The following NCAM2 variants were observed in gnomAD, a reference collection of about 807,000 sequenced individuals.
NCAM2 encodes the protein neural cell adhesion molecule 2.
Under a neutral mutation model 98.1 loss-of-function variants are expected in NCAM2, and 30 were observed. That is an observed-to-expected ratio of 0.31 (90% CI 0.23 to 0.41). The LOEUF is 0.41. NCAM2 is among the 10% of genes least tolerant of loss of function. NCAM2 has a pLI of 1.00. For missense variants in NCAM2, 867 were observed against 1,005.8 expected (o/e 0.86, Z 1.87); for synonymous variants, 368 against 342.4 (o/e 1.07, Z -0.83).
chr21:21,189,059 G>T (rs1645074087), intron 1 of NCAM2, among the ~76,000 whole-genome samples: 1 of 152,130 alleles, frequency 6.6e-6, no homozygotes, highest in Non-Finnish European at 1.5e-5. Flanking sequence ...ATTATACAGT[G>T]TTAGAACCAA....
intron 1 of NCAM2, among the ~76,000 whole-genome samples, chr21:21,214,422 GTAA>G (rs1472617507): frequency 6.6e-6 from 1 of 151,952 alleles, no homozygotes; most frequent in African/African-American, 2.4e-5. Context: ...GGTCACATAT[GTAA>G]TATGGGTGCC....
chr21:21,506,995 A>G (rs988320382), intron 15 of NCAM2, among the ~76,000 whole-genome samples: 3 of 152,162 alleles, frequency 2.0e-5, no homozygotes, highest in African/African-American at 7.2e-5. Context: ...TGAACCACAA[A>G]GTTGCTGGGA....
At chr21:21,310,203 T>C (rs1445445913) in intron 5 of NCAM2, among the ~76,000 whole-genome samples, 1 of 152,172 alleles carries the variant, frequency 6.6e-6, no homozygotes, top group Non-Finnish European at 1.5e-5. Context: ...TAATAAATTA[T>C]TTTTATTAAT....
chr21:21,240,995 T>A (rs1350180437), intron 1 of NCAM2, among the ~76,000 whole-genome samples: 1 of 152,148 alleles, frequency 6.6e-6, no homozygotes, highest in Non-Finnish European at 1.5e-5. Flanking sequence ...TAGTTAAAAT[T>A]GCTTGGACCT....
intron 1 of NCAM2, among the ~76,000 whole-genome samples, chr21:21,124,406 G>T (rs902039503): frequency 2.0e-5 from 3 of 152,120 alleles, no homozygotes; most frequent in African/African-American, 7.2e-5. Context: ...AATATCAAGA[G>T]CATTTTTTCA....
At chr21:21,136,629 TG>T (rs1418680565) in intron 1 of NCAM2, among the ~76,000 whole-genome samples, 201 of 145,566 alleles carry the variant, frequency 1.4e-3, no homozygotes, top group African/African-American at 2.8e-3. Flanking sequence ...GCCTGTTTTT[TG>T]TTTTTTTTTT....
chr21:21,051,679 G>T (rs1452676252), intron 1 of NCAM2, among the ~76,000 whole-genome samples: 2 of 152,196 alleles, frequency 1.3e-5, no homozygotes, highest in African/African-American at 4.8e-5. Flanking sequence ...AGTGTTGCTT[G>T]CAAGAAAAGC....
At position 21,373,910 on chromosome 21, in the gene NCAM2, A is replaced by C. The variant is rs746012874; in HGVS notation, c.1092A>C (p.Ser364=). Residue 364 remains serine (S), a synonymous_variant, in exon 9 of 18, where the codon TCA becomes TCC. Coordinates refer to ENST00000400546, the MANE Select transcript of NCAM2 (RefSeq NM_004540.5). ...IEVKGQHGSS[S]LHIKDVKLSD... Reference sequence around the variant, plus strand: ...TCAAAGGGCAGCATGGAAGCTCATCACTGCATATTAAAGATGTGAAGTTGT... The same window carrying C: ...TCAAAGGGCAGCATGGAAGCTCATCCCTGCATATTAAAGATGTGAAGTTGT... 1 of 1,610,870 alleles carries C rather than the reference A, an allele frequency of 6.2e-7. No homozygotes were observed. Among genetic ancestry groups the C allele is most frequent in the African/African-American group, 1.3e-5 (1 of 74,566 alleles).
chr21:21,384,809 T>C (rs1279120503), intron 9 of NCAM2, among the ~76,000 whole-genome samples: 1 of 152,096 alleles, frequency 6.6e-6, no homozygotes, highest in Admixed American at 6.6e-5. Context: ...ATTCTTAATA[T>C]TAATTTCATT....
At chr21:21,079,088 G>C (rs1353605064) in intron 1 of NCAM2, among the ~76,000 whole-genome samples, 1 of 152,030 alleles carries the variant, frequency 6.6e-6, no homozygotes, top group Non-Finnish European at 1.5e-5. Context: ...ATACATGCAG[G>C]GCTTAAAACC....
intron 1 of NCAM2, among the ~76,000 whole-genome samples, chr21:21,192,544 G>A (rs2068858252): frequency 6.6e-6 from 1 of 152,044 alleles, no homozygotes; most frequent in African/African-American, 2.4e-5. Context: ...AGAATTAGAG[G>A]CAATACAAAT....
At chr21:21,256,323 T>C (rs985839158) in intron 1 of NCAM2, among the ~76,000 whole-genome samples, 5 of 152,156 alleles carry the variant, frequency 3.3e-5, no homozygotes, top group Non-Finnish European at 7.4e-5. Context: ...GCCATTGCAC[T>C]CCAGCCTGGG....
chr21:21,286,815 A>C (rs1011992617), intron 4 of NCAM2, among the ~76,000 whole-genome samples: 1 of 151,954 alleles, frequency 6.6e-6, no homozygotes, highest in Non-Finnish European at 1.5e-5. Context: ...TGTCAAGAAA[A>C]GATGAATACA....
chr21:21,184,199 T>C (rs1033599033), intron 1 of NCAM2, among the ~76,000 whole-genome samples: 2 of 151,902 alleles, frequency 1.3e-5, no homozygotes, highest in African/African-American at 2.4e-5. Flanking sequence ...AAAATTTAGG[T>C]TAGGGAATTT....
At chr21:21,223,136 T>A (rs2070239173) in intron 1 of NCAM2, among the ~76,000 whole-genome samples, 1 of 152,214 alleles carries the variant, frequency 6.6e-6, no homozygotes, top group African/African-American at 2.4e-5. Context: ...CTCTTAGTCC[T>A]CTTACTATTT....
At chr21:21,007,572 C>T (rs2064134535) in intron 1 of NCAM2, among the ~76,000 whole-genome samples, 1 of 152,246 alleles carries the variant, frequency 6.6e-6, no homozygotes, top group Middle Eastern at 3.4e-3. Flanking sequence ...GAAGGTGCCT[C>T]TCCTTTTTAG....
In NCAM2 at chr21:21,126,236, TAA is replaced by T. The variant is rs778070776; in HGVS notation, c.55+127639_55+127640del. ...CCATTTCCGATACTATCATGGAACA[TAA>T]AAAAAAAAAAAAAAAAAAAATCGCA... is the stretch of plus-strand genomic sequence containing the variant. On this transcript the variant is annotated intron_variant, in intron 1 of 17. Coordinates refer to ENST00000400546, the MANE Select transcript of NCAM2 (RefSeq NM_004540.5). 3.9e-3 allele frequency among the ~76,000 whole-genome samples: 379 copies of T among 97,562 alleles called. 3 individuals carry two copies. The highest frequency in any genetic ancestry group is 0.013 in the African/African-American group (356 of 26,490). 64.0% of individuals were successfully genotyped at this position (97,562 alleles called of 152,430 possible).
chr21:21,303,713 AT>A (rs35816419), intron 5 of NCAM2, among the ~76,000 whole-genome samples: 24 of 152,032 alleles, frequency 1.6e-4, no homozygotes, highest in Non-Finnish European at 2.9e-4. Context: ...TGATTGTACT[AT>A]TTTACCTTCC....
At chr21:21,070,058 A>T (rs1209553398) in intron 1 of NCAM2, among the ~76,000 whole-genome samples, 2 of 152,120 alleles carry the variant, frequency 1.3e-5, no homozygotes, top group African/African-American at 4.8e-5. Flanking sequence ...ATGCTAAAAA[A>T]TGTTTCAACC....
Sources: allele counts gnomAD v4.1 joint callset (sites outside exome capture counted in the v4.1 genomes callset), GRCh38; gene constraint gnomAD v4.1.1; transcripts MANE v1.5; gene names NCBI Gene and HGNC (gene_info 2026-07-23, HGNC 2026-07-21).